Variants in TNIK observed in about 807,000 individuals in gnomAD.
The protein encoded by TNIK is TRAF2 and NCK interacting kinase.
Under a neutral mutation model 191.3 loss-of-function variants are expected in TNIK, and 49 were observed. That is an observed-to-expected ratio of 0.26 (90% confidence interval 0.20 to 0.32). The LOEUF is 0.32. Among genes scored for constraint, TNIK ranks in the 10% least tolerant of loss-of-function variants. The probability of loss-of-function intolerance (pLI) is 1.00; values close to 1 mark genes in which losing one functional copy is unlikely to be tolerated. For synonymous variants in TNIK, 594 were observed against 600.9 expected, an observed-to-expected ratio of 0.99 and a Z score of 0.17; for missense variants, 1,155 against 1,702.3, an observed-to-expected ratio of 0.68 and a Z score of 5.66.
chr3:171,140,735 T>C (rs1730705076), intron 12 of TNIK, among the ~76,000 whole-genome samples: 1 of 152,154 alleles, frequency 6.6e-6, no homozygotes, highest in Non-Finnish European at 1.5e-5. Context: ...ACCATGTAAG[T>C]AGACTCTCAC....
chr3:171,126,631 C>A (rs1261608182), intron 16 of TNIK, among the ~76,000 whole-genome samples: 1 of 152,134 alleles, frequency 6.6e-6, no homozygotes, highest in African/African-American at 2.4e-5. Flanking sequence ...TACACCGGAG[C>A]AATGTAAGGT....
At chr3:171,439,506 T>TATTAA (rs1365546989) in intron 1 of TNIK, 1 of 151,120 alleles carries the variant, frequency 6.6e-6, no homozygotes. Context: ...ACTAGACTTT[T>TATTAA]ATTAAAATAA....
At chr3:171,243,789 A>G (rs61792440) in intron 2 of TNIK, among the ~76,000 whole-genome samples, 6,638 of 152,224 alleles carry the variant, frequency 0.044, 186 homozygotes, top group South Asian at 0.077. Context: ...CTCCAAATCA[A>G]TTATGGCCAA....
At chr3:171,332,550 G>C (rs199906415) in intron 2 of TNIK, among the ~76,000 whole-genome samples, 1 of 152,164 alleles carries the variant, frequency 6.6e-6, no homozygotes, top group South Asian at 2.1e-4. Flanking sequence ...CACTTCCTGG[G>C]AAGAACCTCA....
chr3:171,216,519 T>C (rs1439029670), intron 3 of TNIK, among the ~76,000 whole-genome samples: 1 of 152,208 alleles, frequency 6.6e-6, no homozygotes, highest in Non-Finnish European at 1.5e-5. Context: ...CTTGAAATTT[T>C]AGTAGGATCT....
intron 28 of TNIK, 113 bp from the exon 29 acceptor site, chr3:171,071,436 G>A: frequency 1.2e-6 from 1 of 801,560 alleles, no homozygotes; most frequent in South Asian, 2.1e-5. Context: ...GATGTTGGGT[G>A]TCAGCTTCAT....
At chr3:171,337,385 T>A (rs543581019) in intron 2 of TNIK, among the ~76,000 whole-genome samples, 2 of 152,264 alleles carry the variant, frequency 1.3e-5, no homozygotes, top group South Asian at 4.2e-4. Flanking sequence ...GCAAAAGACC[T>A]CAGATAAGCA....
chr3:171,065,554 G>T (rs1718328305), intron 32 of TNIK, among the ~76,000 whole-genome samples: 1 of 152,216 alleles, frequency 6.6e-6, no homozygotes, highest in Non-Finnish European at 1.5e-5. Flanking sequence ...TCTACAGGGA[G>T]GGTAAGGGAG....
intron 26 of TNIK, 107 bp from the exon 27 acceptor site, chr3:171,082,501 A>T: frequency 7.9e-7 from 1 of 1,264,876 alleles, no homozygotes; most frequent in Non-Finnish European, 1.1e-6. Context: ...ATATACACTA[A>T]TGGGCAAGTA....
chr3:171,360,513 G>A (rs935709896), intron 2 of TNIK, among the ~76,000 whole-genome samples: 20 of 152,144 alleles, frequency 1.3e-4, no homozygotes, highest in Non-Finnish European at 1.9e-4. Context: ...AGACCTCTTC[G>A]TTATACATGA....
intron 17 of TNIK, 25 bp downstream of exon 17, chr3:171,125,887 A>T: frequency 1.9e-6 from 3 of 1,612,110 alleles, no homozygotes; most frequent in Non-Finnish European, 2.5e-6. Context: ...CTGGTGATTA[A>T]AAAAAACACC....
chr3:171,293,950 C>A (rs1422965927), intron 2 of TNIK, among the ~76,000 whole-genome samples: 1 of 152,114 alleles, frequency 6.6e-6, no homozygotes, highest in Non-Finnish European at 1.5e-5. Context: ...GCCGGCTGGG[C>A]GCAGTGGCTC....
chr3:171,229,429 G>A (rs1743345353), intron 2 of TNIK, among the ~76,000 whole-genome samples: 1 of 152,228 alleles, frequency 6.6e-6, no homozygotes, highest in African/African-American at 2.4e-5. Flanking sequence ...TATAATTGTG[G>A]TGTGGAAAAA....
intron 2 of TNIK, among the ~76,000 whole-genome samples, chr3:171,347,980 T>A (rs543825551): frequency 8.6e-5 from 13 of 151,930 alleles, no homozygotes; most frequent in African/African-American, 3.1e-4. Flanking sequence ...TGTAGATTCT[T>A]CTACCATCTT....
At chr3:171,342,741 T>C (rs1005694678) in intron 2 of TNIK, among the ~76,000 whole-genome samples, 1 of 152,240 alleles carries the variant, frequency 6.6e-6, no homozygotes, top group Admixed American at 6.5e-5. Flanking sequence ...ATTCAAATAA[T>C]GTATGCAGTT....
chr3:171,145,797 G>C (rs34095902), intron 12 of TNIK, among the ~76,000 whole-genome samples: 12,552 of 82,854 alleles, frequency 0.15, 455 homozygotes, highest in Middle Eastern at 0.27. Context: ...TTTTTTTTTT[G>C]TTTAAATGCT....
intron 2 of TNIK, among the ~76,000 whole-genome samples, chr3:171,246,866 C>T (rs985953347): frequency 6.6e-6 from 1 of 152,140 alleles, no homozygotes; most frequent in Non-Finnish European, 1.5e-5. Context: ...ACAGAGCAAC[C>T]AACTCAGACT....
chr3:171,142,226 T>G lies in TNIK; in HGVS notation c.1222-1717A>C, dbSNP rs554808890. ...ATGCAGCCAAATGACTTGATCAGAC[T>G]TGCATTTTCAAAAGGCCTCCCCATC... On this transcript the variant is annotated intron_variant, in intron 12 of 32. Coordinates refer to ENST00000436636, the MANE Select transcript of TNIK (RefSeq NM_015028.4). Among the ~76,000 whole-genome samples, 12 of 152,316 alleles carry G rather than the reference T, an allele frequency of 7.9e-5. No homozygotes were observed. In the South Asian group the frequency reaches 2.5e-3, roughly 32 times the overall value.
intron 2 of TNIK, among the ~76,000 whole-genome samples, chr3:171,275,382 A>G (rs1353795981): frequency 6.6e-6 from 1 of 152,196 alleles, no homozygotes. Flanking sequence ...TGAAGGAAAT[A>G]CACATAAGAC....
Sources: allele counts gnomAD v4.1 joint callset (sites outside exome capture counted in the v4.1 genomes callset), GRCh38; gene constraint gnomAD v4.1.1; transcripts MANE v1.5; gene names NCBI Gene and HGNC (gene_info 2026-07-23, HGNC 2026-07-21).